The following FBXL7 variants were observed in gnomAD, a reference collection of about 807,000 sequenced individuals.
FBXL7 encodes the protein F-box/LRR-repeat protein 7.
FBXL7 carries 12 observed loss-of-function variants against 38.3 expected under a neutral mutation model. That is an observed-to-expected ratio of 0.31 (90% CI 0.20 to 0.51). The LOEUF is 0.51. Among genes scored for constraint, FBXL7 ranks in the 20% least tolerant of loss-of-function variants. The probability of loss-of-function intolerance (pLI) is 0.98; values close to 1 mark genes in which losing one functional copy is unlikely to be tolerated. For synonymous variants in FBXL7, 297 were observed against 300.9 expected (o/e 0.99, Z 0.13); for missense variants, 567 against 676.4 (o/e 0.84, Z 1.79).
chr5:15,663,232 A>G (rs2126587043), intron 2 of FBXL7, among the ~76,000 whole-genome samples: 1 of 152,244 alleles, frequency 6.6e-6, no homozygotes, highest in East Asian at 1.9e-4. Context: ...GATTAGCTGT[A>G]TGCCTAGCTA....
intron 1 of FBXL7, among the ~76,000 whole-genome samples, chr5:15,603,736 C>T (rs958390498): frequency 2.0e-4 from 31 of 152,248 alleles, no homozygotes; most frequent in African/African-American, 7.0e-4. Context: ...AGAAAGTACT[C>T]GTTAGAACAT....
chr5:15,645,217 G>T (rs1035903985), intron 2 of FBXL7, among the ~76,000 whole-genome samples: 1 of 152,096 alleles, frequency 6.6e-6, no homozygotes, highest in African/African-American at 2.4e-5. Flanking sequence ...ACTGTGAAAG[G>T]AAAATAAATC....
At chr5:15,858,208 T>A (rs975248898) in intron 2 of FBXL7, among the ~76,000 whole-genome samples, 4 of 149,448 alleles carry the variant, frequency 2.7e-5, no homozygotes, top group African/African-American at 9.8e-5. Context: ...ATATATATAT[T>A]TTACATAATA....
intron 2 of FBXL7, among the ~76,000 whole-genome samples, chr5:15,811,712 A>T (rs1737865832): frequency 6.6e-6 from 1 of 152,172 alleles, no homozygotes; most frequent in African/African-American, 2.4e-5. Flanking sequence ...GAAGACATTT[A>T]TATGGCCAAA....
At chr5:15,809,739 A>G (rs1238960808) in intron 2 of FBXL7, among the ~76,000 whole-genome samples, 1 of 152,244 alleles carries the variant, frequency 6.6e-6, no homozygotes, top group Non-Finnish European at 1.5e-5. Context: ...GTTAAACAGG[A>G]AACAGAACTC....
At chr5:15,555,197 C>CACAG (rs773780384) in intron 1 of FBXL7, among the ~76,000 whole-genome samples, 4 of 152,016 alleles carry the variant, frequency 2.6e-5, no homozygotes, top group East Asian at 3.9e-4. Flanking sequence ...CGCACAGACA[C>CACAG]ACAGACAGAC....
At chr5:15,713,105 C>T (rs900879353) in intron 2 of FBXL7, among the ~76,000 whole-genome samples, 17 of 152,186 alleles carry the variant, frequency 1.1e-4, no homozygotes, top group South Asian at 2.1e-4. Flanking sequence ...CACCTGAGAC[C>T]GGGCAATTTA....
At chr5:15,761,152 A>G (rs1736430236) in intron 2 of FBXL7, among the ~76,000 whole-genome samples, 1 of 152,230 alleles carries the variant, frequency 6.6e-6, no homozygotes, top group Non-Finnish European at 1.5e-5. Flanking sequence ...GGTAGCATTG[A>G]GTTGACATGA....
intron 2 of FBXL7, among the ~76,000 whole-genome samples, chr5:15,645,565 C>T (rs1741503374): frequency 6.6e-6 from 1 of 152,186 alleles, no homozygotes; most frequent in Admixed American, 6.5e-5. Context: ...TGTGCCCCAA[C>T]TACCGTGGGC....
Position 15,596,769 on chromosome 5 carries a change from T to C in FBXL7, c.38-19214T>C, listed in dbSNP as rs546253512. On this transcript the variant is annotated intron_variant, in intron 1 of 3. Coordinates refer to ENST00000504595, the MANE Select transcript of FBXL7 (RefSeq NM_012304.5). ...CTATGTAATGAAGCCTCCATAAGAC[T>C]CAAAAGGACAGGGCTAGGAGAGCTT... Among the ~76,000 whole-genome samples the C allele has an allele frequency of 2.0e-5, 3 of 152,186 alleles. No individual in the cohort carries two copies. In the East Asian group the frequency reaches 5.8e-4, roughly 29 times the overall value.
intron 2 of FBXL7, among the ~76,000 whole-genome samples, chr5:15,693,717 G>C (rs1231278647): frequency 2.6e-5 from 4 of 152,306 alleles, no homozygotes; most frequent in Non-Finnish European, 2.9e-5. Context: ...CACACCGACA[G>C]ATGCTGGAAG....
chr5:15,649,225 G>T (rs1190096965), intron 2 of FBXL7, among the ~76,000 whole-genome samples: 1 of 152,112 alleles, frequency 6.6e-6, no homozygotes, highest in African/African-American at 2.4e-5. Flanking sequence ...TCGAACTCCT[G>T]ACCTCAGGTG....
chr5:15,618,795 C>T (rs1286179613), intron 2 of FBXL7, among the ~76,000 whole-genome samples: 1 of 152,166 alleles, frequency 6.6e-6, no homozygotes, highest in African/African-American at 2.4e-5. Context: ...AAATTACCAG[C>T]GGCCTATCCC....
At position 15,939,704 on chromosome 5, in the gene FBXL7, T is replaced by C. The variant is rs1301314745; in HGVS notation, c.*2518T>C. 6.6e-6 allele frequency: 1 copy of C among 152,668 alleles called. No individual in the cohort carries two copies. The highest frequency in any genetic ancestry group is 2.4e-5 in the African/African-American group (1 of 41,460). The allele number at this position is 152,668 out of a possible 1,614,324, so 9.5% of individuals were successfully genotyped here. A position where few individuals can be genotyped will look rare whatever the true frequency, so the allele number is the denominator to read the frequency against. ...GAATGCTCATTGTTTGTTGTTGTTG[T>C]TTTTTAATTCTAATGTTCAAATCAC... is the stretch of plus-strand genomic sequence containing the variant. On this transcript the variant is annotated 3_prime_UTR_variant, in exon 4 of 4. Transcript: ENST00000504595.
At chr5:15,935,667 A>G (rs753173069) in intron 3 of FBXL7, among the ~76,000 whole-genome samples, 3 of 152,236 alleles carry the variant, frequency 2.0e-5, no homozygotes, top group Non-Finnish European at 4.4e-5. Flanking sequence ...AATCCAGATA[A>G]CACAGTTGTT....
At chr5:15,576,969 A>G (rs1346596586) in intron 1 of FBXL7, among the ~76,000 whole-genome samples, 1 of 152,258 alleles carries the variant, frequency 6.6e-6, no homozygotes, top group African/African-American at 2.4e-5. Flanking sequence ...AGCAAAGATT[A>G]AAATTTTTTT....
At chr5:15,792,946 G>A (rs257781) in intron 2 of FBXL7, among the ~76,000 whole-genome samples, 81,836 of 152,018 alleles carry the variant, frequency 0.54, 23,327 homozygotes, top group Non-Finnish European at 0.64. Flanking sequence ...GAGGAGAGGG[G>A]GAGTCAGACC....
chr5:15,830,030 C>T lies in FBXL7; in HGVS notation c.128-97860C>T, dbSNP rs565559394. Among the ~76,000 whole-genome samples, 34 of 152,250 alleles carry T rather than the reference C, an allele frequency of 2.2e-4. No homozygotes were observed. The East Asian group carries it at 6.2e-3, about 28-fold the overall frequency. ...TGAGCAAAGAAAAACTCATTTAGCA[C>T]GTTTTTTGCCCAGATCTCCCCCTGT... On this transcript the variant is annotated intron_variant, in intron 2 of 3. Coordinates refer to ENST00000504595, the MANE Select transcript of FBXL7 (RefSeq NM_012304.5).
At chr5:15,564,078 G>A (rs145551271) in intron 1 of FBXL7, among the ~76,000 whole-genome samples, 1 of 152,104 alleles carries the variant, frequency 6.6e-6, no homozygotes, top group East Asian at 1.9e-4. Context: ...TGTGTTTTCT[G>A]CAGTCCTTTC....
Sources: allele counts gnomAD v4.1 joint callset (sites outside exome capture counted in the v4.1 genomes callset), GRCh38; gene constraint gnomAD v4.1.1; transcripts MANE v1.5; gene names NCBI Gene and HGNC (gene_info 2026-07-23, HGNC 2026-07-21).